The following TAB1 variants were observed in gnomAD, a reference collection of about 807,000 sequenced individuals.
The protein encoded by TAB1 is TGF-beta activated kinase 1 (MAP3K7) binding protein 1, also known as TGF-beta-activated kinase 1 and MAP3K7-binding protein 1.
Under a neutral mutation model 54.5 loss-of-function variants are expected in TAB1, and 30 were observed. The ratio of observed to expected loss-of-function variants is 0.55; its 90% CI spans 0.41 to 0.75. TAB1 has a LOEUF of 0.75. Ranked by LOEUF, TAB1 falls within the 30% of genes least tolerant of loss-of-function variation. The probability of loss-of-function intolerance (pLI) is 0.00; values close to 1 mark genes in which losing one functional copy is unlikely to be tolerated. For missense variants in TAB1, 609 were observed against 683.2 expected (o/e 0.89, Z 1.21); for synonymous variants, 289 against 286.9 (o/e 1.01, Z -0.07).
Position 39,430,549 on chromosome 22 carries a change from A to G in TAB1, c.*327A>G, listed in dbSNP as rs377757823. On this transcript the variant is annotated 3_prime_UTR_variant, in exon 11 of 11. Transcript: ENST00000216160. ...CCGAGCCTCCCCAGCAGCCTCCTAC[A>G]GAGCAGGAAGAGGCGCCCTGTGAAC... 3.0e-5 allele frequency: 36 copies of G among 1,217,406 alleles called. No individual in the cohort carries two copies. The African/African-American group carries it at 4.9e-4, about 17-fold the overall frequency. The allele number at this position is 1,217,406 out of a possible 1,614,324, so 75.4% of individuals were successfully genotyped here.
At chr22:39,418,957 C>A in intron 6 of TAB1, 112 bp downstream of exon 6, 1 of 829,980 alleles carries the variant, frequency 1.2e-6, no homozygotes, top group Non-Finnish European at 2.0e-6. Context: ...TTGGGCTCCC[C>A]AGCCAGCCTG....
At position 39,430,732 on chromosome 22, in the gene TAB1, T is replaced by C; in HGVS notation, c.*510T>C. On this transcript the variant is annotated 3_prime_UTR_variant, in exon 11 of 11. Transcript: ENST00000216160. ...GAACCCAGGCTGGTGTCCGCATCTGTCCCTGGGCCCCACCCCTGGACCTGC... is the reference window on the plus strand; with the variant it reads ...GAACCCAGGCTGGTGTCCGCATCTGCCCCTGGGCCCCACCCCTGGACCTGC... 9.8e-7 allele frequency: 1 copy of C among 1,020,518 alleles called. No individual in the cohort carries two copies. The allele number at this position is 1,020,518 out of a possible 1,614,324, so 63.2% of individuals were successfully genotyped here. A position where few individuals can be genotyped will look rare whatever the true frequency, so the allele number is the denominator to read the frequency against.
rs920724451 is a variant in TAB1, at chr22:39,415,280, T to C, written c.170+138T>C. 3 of 1,195,750 alleles carry C rather than the reference T, an allele frequency of 2.5e-6. No homozygotes were observed. The Admixed American group carries it at 7.9e-5, about 31-fold the overall frequency. The allele number at this position is 1,195,750 out of a possible 1,614,324, so 74.1% of individuals were successfully genotyped here. ...GTGAGAGGTGGCCTCTGCTGCTGTC[T>C]TGCCAAGGGCCTGCTCTGATGGGGT... is the stretch of plus-strand genomic sequence containing the variant. On this transcript the variant is annotated intron_variant, in intron 2 of 10. Coordinates refer to ENST00000216160, the MANE Select transcript of TAB1 (RefSeq NM_006116.3). The surrounding 1 kb of genome is among the most constrained non-coding windows in gnomAD (Gnocchi z 4.9).
chr22:39,428,978 G>A (rs1393290730), intron 10 of TAB1, among the ~76,000 whole-genome samples: 1 of 152,262 alleles, frequency 6.6e-6, no homozygotes, highest in Non-Finnish European at 1.5e-5. Context: ...GGCATCCTGA[G>A]TGCAGTAGGG....
At position 39,409,601 on chromosome 22, in the gene TAB1, G is replaced by A. The variant is rs557545404; in HGVS notation, c.34-5405G>A. 3.9e-4 allele frequency among the ~76,000 whole-genome samples: 60 copies of A among 152,184 alleles called. 1 individual carries two copies. In the South Asian group the frequency reaches 0.011, roughly 27 times the overall value. The stretch of plus-strand genomic sequence containing the variant: ...TTTTTCCATCTTAGGGTCTTTTTAC[G>A]TTCCGCTCCCTCTGCCTGGAAGCCT... On this transcript the variant is annotated intron_variant, in intron 1 of 10. Coordinates refer to ENST00000216160, the MANE Select transcript of TAB1 (RefSeq NM_006116.3).
chr22:39,426,987 C>A, intron 9 of TAB1, 62 bp downstream of exon 9: 1 of 1,535,888 alleles, frequency 6.5e-7, no homozygotes, highest in Non-Finnish European at 8.8e-7. Flanking sequence ...GAGGTGGGTG[C>A]AGAGCCCCCG....
chr22:39,399,849 C>A lies in TAB1; in HGVS notation c.33+14C>A. 1 of 1,593,252 alleles carries A rather than the reference C, an allele frequency of 6.3e-7. No homozygotes were observed. The highest frequency in any genetic ancestry group is 8.5e-7 in the Non-Finnish European group (1 of 1,170,344). On this transcript the variant is annotated intron_variant, in intron 1 of 10. Coordinates refer to ENST00000216160, the MANE Select transcript of TAB1 (RefSeq NM_006116.3). The stretch of plus-strand genomic sequence containing the variant: ...TTGCTGCAGAGTGTGAGGAACAGGC[C>A]CGCTCTCTGGGCTTGGGGTTGGGAG...
intron 4 of TAB1, 59 bp downstream of exon 4, chr22:39,416,936 A>G (rs1183827385): frequency 2.6e-6 from 4 of 1,527,500 alleles, no homozygotes; most frequent in Non-Finnish European, 2.7e-6. Context: ...TGCAAGGAGC[A>G]TGGACTCATC....
Position 39,416,780 on chromosome 22 carries a change from T to C in TAB1, c.325-11T>C. 1 of 1,614,078 alleles carries C rather than the reference T, an allele frequency of 6.2e-7. No individual in the cohort carries two copies. Among genetic ancestry groups the C allele is most frequent in the Non-Finnish European group, 8.5e-7 (1 of 1,179,898 alleles). On this transcript the variant is annotated splice_polypyrimidine_tract_variant and intron_variant, in intron 3 of 10. Transcript: ENST00000216160. ...TTGAACCAGCCTTTGCCCTGTCCTG[T>C]GTCCCCCTAGGCCTTCGATGTGGTG...
chr22:39,407,848 T>G (rs1471519338), intron 1 of TAB1, among the ~76,000 whole-genome samples: 1 of 151,934 alleles, frequency 6.6e-6, no homozygotes, highest in Non-Finnish European at 1.5e-5. Context: ...TCTCAATCTC[T>G]TGACCTCGTG....
At chr22:39,423,602 CTCAA>C (rs747326827) in intron 8 of TAB1, among the ~76,000 whole-genome samples, 3 of 151,876 alleles carry the variant, frequency 2.0e-5, no homozygotes, top group South Asian at 2.1e-4. Flanking sequence ...AAGACTCTGT[CTCAA>C]TCAATCAATC....
chr22:39,435,658 GC>G (rs1357403059), downstream of TAB1, among the ~76,000 whole-genome samples: 1 of 152,144 alleles, frequency 6.6e-6, no homozygotes. Flanking sequence ...TGGGTGGTGG[GC>G]CCCCTTCCCC....
intron 1 of TAB1, among the ~76,000 whole-genome samples, 179 bp downstream of exon 1, chr22:39,400,014 C>CGCGGCGGGCCCGGCCCCCGGGTCAAGG (rs1926061522): frequency 1.3e-5 from 2 of 152,294 alleles, no homozygotes; most frequent in South Asian, 4.1e-4. Flanking sequence ...GGCGTGTGTG[C>CGCGGCGGGCCCGGCCCCCGGGTCAAGG]GCGGCGGGCC....
At chr22:39,428,462 C>T (rs577872439) in intron 10 of TAB1, among the ~76,000 whole-genome samples, 3 of 152,354 alleles carry the variant, frequency 2.0e-5, no homozygotes, top group Admixed American at 6.5e-5. Context: ...TTCCTCACCT[C>T]GGTGTGATGT....
chr22:39,418,767 G>A lies in TAB1; in HGVS notation c.586G>A (p.Asp196Asn). The change falls in exon 6 of 11, where the codon GAT becomes AAT. Residue 196 changes from aspartate to asparagine, a missense_variant. Transcript: ENST00000216160. ...TGCACTTTTATGCAAATCGACAGTG[G>A]ATGGGTTGCAGGTGACACAGCTGAA... ...NRALLCKSTV[D>N]GLQVTQLNVD... 6.2e-7 allele frequency: 1 copy of A among 1,614,198 alleles called. No homozygotes were observed. The highest frequency in any genetic ancestry group is 8.5e-7 in the Non-Finnish European group (1 of 1,180,030).
At position 39,422,996 on chromosome 22, in the gene TAB1, T is replaced by TA. The variant is rs1200937926; in HGVS notation, c.921+1027dup. Among the ~76,000 whole-genome samples, 477 of 150,768 alleles carry TA rather than the reference T, an allele frequency of 3.2e-3. 3 individuals are homozygous for TA. Among genetic ancestry groups the TA allele is most frequent in the African/African-American group, 0.011 (462 of 41,132 alleles). On this transcript the variant is annotated intron_variant, in intron 8 of 10. Transcript: ENST00000216160. ...GCTTTGACTTTTTTTTTTTTTTTTT[T>TA]AAGACTTGCTGTGTCACCCAGACTG...
At chr22:39,413,031 C>T (rs1451958963) in intron 1 of TAB1, among the ~76,000 whole-genome samples, 1 of 151,630 alleles carries the variant, frequency 6.6e-6, no homozygotes, top group Non-Finnish European at 1.5e-5. Flanking sequence ...TCTCCTGCCT[C>T]AGCCTCCAGA....
chr22:39,434,699 A>C (rs552559560), downstream of TAB1, among the ~76,000 whole-genome samples: 9 of 152,134 alleles, frequency 5.9e-5, no homozygotes, highest in African/African-American at 2.2e-4. Context: ...ACCTTCAGGG[A>C]CCCCCAGAAA....
At chr22:39,425,642 C>G (rs190885615) in intron 8 of TAB1, among the ~76,000 whole-genome samples, 1 of 151,600 alleles carries the variant, frequency 6.6e-6, no homozygotes, top group African/African-American at 2.4e-5. Context: ...GATCACCTCC[C>G]GGGTTCACGC....
Sources: gnomAD v4.1 joint callset for allele counts (sites outside exome capture counted in the v4.1 genomes callset) on GRCh38, gnomAD v4.1.1 for gene constraint, Gnocchi (gnomAD v3.1) non-coding constraint, MANE v1.5 for transcripts, NCBI Gene and HGNC (gene_info 2026-07-23, HGNC 2026-07-21) for gene names.